The following DLG1 variants were observed in gnomAD, a reference collection of about 807,000 sequenced individuals.
The protein encoded by DLG1 is discs large MAGUK scaffold protein 1.
A neutral mutation model predicts 123.4 loss-of-function variants in DLG1; 42 were observed. The ratio of observed to expected loss-of-function variants is 0.34; its 90% CI spans 0.27 to 0.44. The LOEUF (loss-of-function observed/expected upper bound fraction) is 0.44, where lower values mean the gene tolerates loss of function less well. Among genes scored for constraint, DLG1 ranks in the 20% least tolerant of loss-of-function variants. The pLI is 1.00. For missense variants in DLG1, 942 were observed against 1,082.6 expected, an observed-to-expected ratio of 0.87 and a Z score of 1.82; for synonymous variants, 317 against 356.2, an observed-to-expected ratio of 0.89 and a Z score of 1.24.
rs34377415 is a variant in DLG1, at chr3:197,145,055, TCA to T, written c.538-2289_538-2288del. On this transcript the variant is annotated intron_variant, in intron 6 of 24. Transcript: ENST00000667157. ...CGCTTGCTTGCTCTCTCTCTCTCTC[TCA>T]CACACACACACACACACACACACGT... Among the ~76,000 whole-genome samples, 26 of 148,694 alleles carry T rather than the reference TCA, an allele frequency of 1.7e-4. 1 individual carries two copies. The highest frequency in any genetic ancestry group is 4.4e-4 in the South Asian group (2 of 4,586).
At chr3:197,086,910 A>T (rs906747142) in intron 15 of DLG1, among the ~76,000 whole-genome samples, 2 of 151,272 alleles carry the variant, frequency 1.3e-5, no homozygotes, top group Non-Finnish European at 2.9e-5. Flanking sequence ...CACAAAATGT[A>T]ACAGTATTAT....
chr3:197,124,794 G>A (rs139304347), intron 11 of DLG1, among the ~76,000 whole-genome samples: 139 of 152,170 alleles, frequency 9.1e-4, no homozygotes, highest in African/African-American at 2.9e-3. Flanking sequence ...ATCAGCTCTC[G>A]GTGATATTAA....
intron 11 of DLG1, among the ~76,000 whole-genome samples, chr3:197,119,957 G>A (rs1157626428): frequency 6.6e-6 from 1 of 151,982 alleles, no homozygotes; most frequent in Admixed American, 6.6e-5. Context: ...AAGCAAAAAC[G>A]AAAAACAAGC....
intron 23 of DLG1, among the ~76,000 whole-genome samples, chr3:197,053,178 A>T (rs1244506466): frequency 6.6e-6 from 1 of 152,210 alleles, no homozygotes; most frequent in Admixed American, 6.5e-5. Context: ...GTTCGTTCCC[A>T]ACTTAAAGGA....
chr3:197,276,367 TTTC>T (rs1766435635), intron 4 of DLG1, among the ~76,000 whole-genome samples: 1 of 152,236 alleles, frequency 6.6e-6, no homozygotes, highest in Non-Finnish European at 1.5e-5. Context: ...TAAAGTTGTC[TTTC>T]AAATTAGTTG....
chr3:197,152,368 T>C (rs1205426222), intron 5 of DLG1, among the ~76,000 whole-genome samples: 1 of 151,868 alleles, frequency 6.6e-6, no homozygotes, highest in Non-Finnish European at 1.5e-5. Context: ...TTGTTTGATT[T>C]TCCATGTTAC....
At chr3:197,247,385 C>A (rs537351239) in intron 4 of DLG1, among the ~76,000 whole-genome samples, 5 of 152,112 alleles carry the variant, frequency 3.3e-5, no homozygotes, top group African/African-American at 1.2e-4. Flanking sequence ...TACAGGTGGT[C>A]TAGTGGGTCC....
chr3:197,137,993 C>T (rs1785972833), intron 9 of DLG1, among the ~76,000 whole-genome samples: 1 of 151,450 alleles, frequency 6.6e-6, no homozygotes, highest in Non-Finnish European at 1.5e-5. Flanking sequence ...CAAAAAAACC[C>T]CGCAAAAAAA....
At chr3:197,213,153 G>A (rs1447229095) in intron 4 of DLG1, among the ~76,000 whole-genome samples, 2 of 152,182 alleles carry the variant, frequency 1.3e-5, no homozygotes, top group African/African-American at 4.8e-5. Context: ...GCCAAAAGCT[G>A]TTAACAATCT....
intron 5 of DLG1, among the ~76,000 whole-genome samples, chr3:197,180,851 GTGTCA>G (rs1809886399): frequency 6.6e-6 from 1 of 152,156 alleles, no homozygotes; most frequent in South Asian, 2.1e-4. Flanking sequence ...ATTAGATTAG[GTGTCA>G]TATTTTGGAA....
At chr3:197,190,498 G>A (rs1291206121) in intron 5 of DLG1, among the ~76,000 whole-genome samples, 6 of 152,076 alleles carry the variant, frequency 3.9e-5, no homozygotes, top group African/African-American at 4.8e-5. Flanking sequence ...TGTTTCATCC[G>A]CATATAAGTG....
chr3:197,183,664 C>T (rs1713939149), intron 5 of DLG1: 1 of 1,550,434 alleles, frequency 6.4e-7, no homozygotes, highest in African/African-American at 1.4e-5. Flanking sequence ...CGTGAAGGTT[C>T]TGGCTCAGCT....
chr3:197,137,507 T>C (rs935833066), intron 9 of DLG1, among the ~76,000 whole-genome samples: 5 of 152,202 alleles, frequency 3.3e-5, no homozygotes, highest in African/African-American at 1.2e-4. Flanking sequence ...GAATACTTAA[T>C]ACAAATAGGG....
intron 4 of DLG1, among the ~76,000 whole-genome samples, chr3:197,264,267 T>A (rs908913818): frequency 2.0e-5 from 3 of 152,210 alleles, no homozygotes; most frequent in African/African-American, 7.2e-5. Context: ...TGGCCCTTTC[T>A]GAACTACAAC....
intron 5 of DLG1, among the ~76,000 whole-genome samples, chr3:197,176,422 A>G (rs1490667551): frequency 6.6e-6 from 1 of 152,180 alleles, no homozygotes; most frequent in Non-Finnish European, 1.5e-5. Context: ...AGTATCATAC[A>G]GAATGGCTTT....
At chr3:197,127,517 C>T (rs1266110865) in intron 11 of DLG1, among the ~76,000 whole-genome samples, 20 of 104,792 alleles carry the variant, frequency 1.9e-4, no homozygotes, top group African/African-American at 5.5e-4. Context: ...CCTAAAAATA[C>T]GTAAGTACTT....
At chr3:197,201,069 A>G (rs1041801800) in intron 4 of DLG1, among the ~76,000 whole-genome samples, 1 of 152,212 alleles carries the variant, frequency 6.6e-6, no homozygotes, top group Non-Finnish European at 1.5e-5. Context: ...TGATGACATC[A>G]TCTTTTATCT....
chr3:197,137,525 C>A (rs913072960), intron 9 of DLG1, among the ~76,000 whole-genome samples: 2 of 152,046 alleles, frequency 1.3e-5, no homozygotes, highest in African/African-American at 4.8e-5. Context: ...GGGACATATC[C>A]ACTTATAAAA....
At chr3:197,297,568 A>G in intron 1 of DLG1, 1 of 1,054,420 alleles carries the variant, frequency 9.5e-7, no homozygotes, top group Admixed American at 5.2e-5. Flanking sequence ...GGGCGGGTGA[A>G]GCGCTCCGAC....
Sources: allele counts gnomAD v4.1 joint callset (sites outside exome capture counted in the v4.1 genomes callset), GRCh38; gene constraint gnomAD v4.1.1; transcripts MANE v1.5; gene names NCBI Gene and HGNC (gene_info 2026-07-23, HGNC 2026-07-21).